The following SVIL variants were observed in gnomAD, a reference collection of about 807,000 sequenced individuals.
SVIL encodes the protein archvillin.
In SVIL, 101 loss-of-function variants were observed where a neutral mutation model predicts 240.4. The observed-to-expected ratio is 0.42, with a 90% CI of 0.36 to 0.50. The LOEUF (loss-of-function observed/expected upper bound fraction) is 0.50. Among genes scored for constraint, SVIL ranks in the 20% least tolerant of loss-of-function variants. The pLI is 0.01. For synonymous variants in SVIL, 999 were observed against 1,100.0 expected, an observed-to-expected ratio of 0.91 and a Z score of 1.82; for missense variants, 2,512 against 2,818.7, an observed-to-expected ratio of 0.89 and a Z score of 2.46.
chr10:29,712,592 C>T (rs903266797), intron 1 of SVIL, among the ~76,000 whole-genome samples: 6 of 152,188 alleles, frequency 3.9e-5, no homozygotes, highest in African/African-American at 1.4e-4. Context: ...TATAAATTAC[C>T]CAACCTCAGG....
intron 3 of SVIL, among the ~76,000 whole-genome samples, chr10:29,644,981 G>A (rs984378245): frequency 3.3e-5 from 5 of 150,532 alleles, no homozygotes; most frequent in Non-Finnish European, 7.4e-5. Context: ...GGTAGGTGGA[G>A]GACACTAAAA....
intron 2 of SVIL, among the ~76,000 whole-genome samples, chr10:29,566,202 A>G (rs1377306994): frequency 6.6e-6 from 1 of 152,060 alleles, no homozygotes; most frequent in Non-Finnish European, 1.5e-5. Flanking sequence ...ATAATTTGGA[A>G]CACATCATTC....
rs1201642928 is a variant in SVIL, at chr10:29,730,391, T to G, written c.-400+5360A>C. 2.6e-5 allele frequency among the ~76,000 whole-genome samples: 4 copies of G among 151,318 alleles called. No individual in the cohort carries two copies. The East Asian group carries it at 7.8e-4, about 29-fold the overall frequency. On this transcript the variant is annotated intron_variant, in intron 1 of 35. Coordinates refer to the SVIL transcript ENST00000375400. ...GTTGACCCTTCCAGTCAGAGGGGAG[T>G]GTTGAATTTTCAATCAGGAGATCTT... is the stretch of plus-strand genomic sequence containing the variant.
At chr10:29,544,754 T>TAA (rs373279682) in intron 6 of SVIL, among the ~76,000 whole-genome samples, 71 of 70,210 alleles carry the variant, frequency 1.0e-3, no homozygotes, top group Non-Finnish European at 1.2e-3. Context: ...AGACCTTTTC[T>TAA]AAAAAAAAAA....
At chr10:29,572,037 C>T (rs188735872) in intron 1 of SVIL, among the ~76,000 whole-genome samples, 400 of 152,252 alleles carry the variant, frequency 2.6e-3, no homozygotes, top group Non-Finnish European at 4.0e-3. Context: ...TAGGAAATCA[C>T]AAGATAATCT....
At chr10:29,628,727 G>A (rs1957970323) in intron 1 of SVIL, among the ~76,000 whole-genome samples, 1 of 152,156 alleles carries the variant, frequency 6.6e-6, no homozygotes, top group Non-Finnish European at 1.5e-5. Flanking sequence ...AGTTCTAAAA[G>A]CCAAATGAAT....
At chr10:29,660,653 G>A (rs566629821) in intron 2 of SVIL, among the ~76,000 whole-genome samples, 6 of 152,240 alleles carry the variant, frequency 3.9e-5, no homozygotes, top group Admixed American at 3.9e-4. Context: ...AGAAAGGGCA[G>A]AATAGAAACA....
chr10:29,549,661 G>T (rs1287851825), intron 6 of SVIL, among the ~76,000 whole-genome samples: 1 of 142,736 alleles, frequency 7.0e-6, no homozygotes, highest in Non-Finnish European at 1.5e-5. Flanking sequence ...AGAAAATGTG[G>T]CACATATACA....
chr10:29,718,044 G>A (rs1161597175), intron 1 of SVIL, among the ~76,000 whole-genome samples: 1 of 151,918 alleles, frequency 6.6e-6, no homozygotes, highest in Non-Finnish European at 1.5e-5. Flanking sequence ...CACCTGTTTC[G>A]TGGCCAGGCG....
In SVIL at chr10:29,523,566, C is replaced by T. The variant is rs753071066; in HGVS notation, c.3048G>A (p.Lys1016=). Residue 1016 remains lysine, a synonymous_variant, in exon 15 of 38, where the codon AAG becomes AAA. Transcript: ENST00000355867. The part of the protein sequence containing the change: ...PPITHLGDEP[K]EFSMAKMNAQ... ...CATTCATTTTAGCCATGGAAAATTC[C>T]TTCGGTTCATCCCCGAGGTGGGTGA... 13 of 1,614,176 alleles carry T rather than the reference C, an allele frequency of 8.1e-6. No homozygotes were observed. In the Admixed American group the frequency reaches 2.2e-4, roughly 27 times the overall value.
rs555375038 is a variant in SVIL at position 29,621,262 on chromosome 10, C to T, written c.-201+13158G>A. ...TATTCTGTACCCAAGGACACTCACA[C>T]GGTCTGTGAGCCTGCTCTGAGCTAG... is the stretch of plus-strand genomic sequence containing the variant. On this transcript the variant is annotated intron_variant, in intron 1 of 37. Coordinates refer to ENST00000355867, the MANE Select transcript of SVIL (RefSeq NM_021738.3). Among the ~76,000 whole-genome samples the T allele has an allele frequency of 3.0e-4, 45 of 152,350 alleles. 2 individuals are homozygous for T. The South Asian group carries it at 8.1e-3, about 27-fold the overall frequency.
Position 29,493,289 on chromosome 10 carries a change from A to G in SVIL, c.3944T>C (p.Val1315Ala), listed in dbSNP as rs1456701642. ...DETFAKFYRSVDYNMPRSPVE... is the reference protein window; with the variant it reads ...DETFAKFYRSADYNMPRSPVE... ...AGGACTTCTTGGCATATTATAATCC[A>G]CGCTGCGGTAAAATTTGGCAAAGGT... The change falls in exon 21 of 38, where the codon GTG (valine) becomes GCG (alanine). Residue 1315 changes from valine (V) to alanine (A), a missense_variant. Around this residue, in one of 3 missense-constraint regions of SVIL, gnomAD observed 272 missense variants for 406.8 expected, o/e 0.67. Coordinates refer to ENST00000355867, the MANE Select transcript of SVIL (RefSeq NM_021738.3). The G allele has an allele frequency of 1.2e-6, 2 of 1,614,076 alleles. No individual in the cohort carries two copies. The highest frequency in any genetic ancestry group is 1.7e-6 in the Non-Finnish European group (2 of 1,180,048).
At chr10:29,555,415 G>A (rs1953831230) in intron 3 of SVIL, among the ~76,000 whole-genome samples, 1 of 152,056 alleles carries the variant, frequency 6.6e-6, no homozygotes, top group Non-Finnish European at 1.5e-5. Flanking sequence ...AAAAATGACA[G>A]AGTTATCAAG....
At chr10:29,595,940 G>A (rs1023810779) in intron 1 of SVIL, among the ~76,000 whole-genome samples, 2 of 152,180 alleles carry the variant, frequency 1.3e-5, no homozygotes, top group Non-Finnish European at 2.9e-5. Context: ...AGGACAGCTC[G>A]CTGTTTCTGC....
At chr10:29,462,207 C>T in intron 36 of SVIL, 70 bp downstream of exon 36, 1 of 1,544,298 alleles carries the variant, frequency 6.5e-7, no homozygotes, top group Non-Finnish European at 8.7e-7. Context: ...GATGCTCTCC[C>T]CAAAGTAAAG....
intron 1 of SVIL, among the ~76,000 whole-genome samples, chr10:29,700,549 C>G (rs968289921): frequency 6.8e-5 from 10 of 146,860 alleles, no homozygotes; most frequent in African/African-American, 2.3e-4. Flanking sequence ...CAGCTCACTG[C>G]AAGCTCCGCC....
At chr10:29,629,389 C>T (rs1957998540) in intron 1 of SVIL, among the ~76,000 whole-genome samples, 2 of 152,140 alleles carry the variant, frequency 1.3e-5, no homozygotes, top group Non-Finnish European at 2.9e-5. Context: ...AAAGCAGGTC[C>T]TCAGACAGGA....
At chr10:29,684,315 A>T (rs902845877) in intron 2 of SVIL, among the ~76,000 whole-genome samples, 4 of 152,152 alleles carry the variant, frequency 2.6e-5, no homozygotes, top group Non-Finnish European at 4.4e-5. Context: ...CAGACTCAAG[A>T]GCTCCTGAGA....
intron 1 of SVIL, among the ~76,000 whole-genome samples, chr10:29,589,403 C>T (rs1302366230): frequency 6.6e-6 from 1 of 152,184 alleles, no homozygotes; most frequent in Non-Finnish European, 1.5e-5. Context: ...CCCCTGTAAA[C>T]CCCAGAAACT....
Sources: allele counts gnomAD v4.1 joint callset (sites outside exome capture counted in the v4.1 genomes callset), GRCh38; gene constraint gnomAD v4.1.1; regional missense constraint gnomAD v4.1.1; transcripts MANE v1.5; gene names NCBI Gene and HGNC (gene_info 2026-07-23, HGNC 2026-07-21).